Variants in PDE4D observed in about 807,000 individuals in gnomAD.
PDE4D encodes phosphodiesterase 4D.
In PDE4D, 24 loss-of-function variants were observed where a neutral mutation model predicts 87.4. The observed-to-expected ratio is 0.27, with a 90% CI of 0.20 to 0.39. PDE4D has a LOEUF of 0.39. PDE4D is among the 10% of genes least tolerant of loss of function. The pLI, the probability that PDE4D is intolerant of heterozygous loss-of-function variation, is 1.00. For synonymous variants in PDE4D, 384 were observed against 383.2 expected, an observed-to-expected ratio of 1.00 and a Z score of -0.02; for missense variants, 714 against 1,041.0, an observed-to-expected ratio of 0.69 and a Z score of 4.32.
At chr5:59,704,211 T>C (rs994684288) in intron 1 of PDE4D, among the ~76,000 whole-genome samples, 1 of 152,186 alleles carries the variant, frequency 6.6e-6, no homozygotes, top group Non-Finnish European at 1.5e-5. Flanking sequence ...AGCTAACCCG[T>C]CGTATTTAAC....
At chr5:59,945,588 T>C (rs1166209599) in intron 3 of PDE4D, among the ~76,000 whole-genome samples, 1 of 152,232 alleles carries the variant, frequency 6.6e-6, no homozygotes, top group African/African-American at 2.4e-5. Flanking sequence ...CATCTTCCTG[T>C]CTCTCTTCCC....
At chr5:59,734,837 G>A (rs2150629264) in intron 1 of PDE4D, among the ~76,000 whole-genome samples, 1 of 152,282 alleles carries the variant, frequency 6.6e-6, no homozygotes. Context: ...CCAGTCACGT[G>A]CAAAGGCTTG....
chr5:60,046,409 T>C (rs1769257741), intron 2 of PDE4D, among the ~76,000 whole-genome samples: 1 of 152,318 alleles, frequency 6.6e-6, no homozygotes, highest in African/African-American at 2.4e-5. Context: ...CTATGTTGAA[T>C]AGGAGGGGTG....
At chr5:59,612,321 T>G (rs1419328005) in intron 1 of PDE4D, among the ~76,000 whole-genome samples, 1 of 146,434 alleles carries the variant, frequency 6.8e-6, no homozygotes, top group African/African-American at 2.5e-5. Context: ...TTTTTTTTTT[T>G]ACAGATTCCA....
At chr5:59,258,635 T>C (rs945840330) in intron 1 of PDE4D, among the ~76,000 whole-genome samples, 10 of 149,404 alleles carry the variant, frequency 6.7e-5, no homozygotes, top group African/African-American at 2.4e-5. Context: ...AGAACTGAGA[T>C]ACATTGTTAT....
chr5:59,874,580 A>T (rs1748284395), intron 1 of PDE4D, among the ~76,000 whole-genome samples: 1 of 152,016 alleles, frequency 6.6e-6, no homozygotes, highest in African/African-American at 2.4e-5. Context: ...ATCCATTTTA[A>T]AAAAAAATAA....
chr5:59,574,019 T>A (rs1403296567), intron 1 of PDE4D, among the ~76,000 whole-genome samples: 1 of 116,986 alleles, frequency 8.5e-6, no homozygotes, highest in African/African-American at 3.5e-5. Flanking sequence ...TATATATATA[T>A]ATATATATAA....
intron 5 of PDE4D, among the ~76,000 whole-genome samples, chr5:59,041,579 T>C (rs1251926941): frequency 6.6e-6 from 1 of 152,240 alleles, no homozygotes; most frequent in Non-Finnish European, 1.5e-5. Flanking sequence ...ATAACCATTG[T>C]GTCTGGGATT....
At chr5:59,220,164 G>T (rs981031438) in intron 1 of PDE4D, among the ~76,000 whole-genome samples, 1 of 152,004 alleles carries the variant, frequency 6.6e-6, no homozygotes, top group Admixed American at 6.6e-5. Context: ...GGAGTAAGAT[G>T]AGGAAGACCA....
chr5:60,141,811 C>T (rs973281188), intron 2 of PDE4D, among the ~76,000 whole-genome samples: 1 of 152,094 alleles, frequency 6.6e-6, no homozygotes, highest in African/African-American at 2.4e-5. Flanking sequence ...ATGGGAGAGG[C>T]CTTGGTTTGA....
At chr5:59,024,962 G>C (rs1224297720) in intron 6 of PDE4D, among the ~76,000 whole-genome samples, 1 of 151,988 alleles carries the variant, frequency 6.6e-6, no homozygotes, top group African/African-American at 2.4e-5. Flanking sequence ...TTTTTAACAA[G>C]GGAGGGGACT....
At chr5:59,528,999 G>C (rs1813671337) in intron 1 of PDE4D, 2 of 462,620 alleles carry the variant, frequency 4.3e-6, no homozygotes, top group East Asian at 1.3e-4. Flanking sequence ...TGAAACAAGA[G>C]TACCTGCTTC....
chr5:58,971,986 A>C lies in PDE4D; in HGVS notation c.*2678T>G, dbSNP rs1258023998. On this transcript the variant is annotated 3_prime_UTR_variant, in exon 15 of 15. Coordinates refer to ENST00000340635, the MANE Select transcript of PDE4D (RefSeq NM_001104631.2). ...TTAGTGGGTATCTTTACAACACGGT[A>C]CCATTAAAAACCAACAAACTGGAAG... 3.3e-5 allele frequency: 5 copies of C among 151,048 alleles called. No individual in the cohort carries two copies. The highest frequency in any genetic ancestry group is 1.2e-4 in the African/African-American group (5 of 41,050). 9.4% of individuals were successfully genotyped at this position (151,048 alleles called of 1,614,324 possible). A position where few individuals can be genotyped will look rare whatever the true frequency, so the allele number is the denominator to read the frequency against.
intron 3 of PDE4D, among the ~76,000 whole-genome samples, chr5:59,192,035 C>T (rs796920452): frequency 5.3e-5 from 8 of 152,154 alleles, no homozygotes; most frequent in African/African-American, 1.9e-4. Flanking sequence ...AGATATTAAC[C>T]ATCTGAAAAG....
intron 3 of PDE4D, among the ~76,000 whole-genome samples, chr5:59,953,643 AG>A (rs1758529976): frequency 6.6e-6 from 1 of 152,182 alleles, no homozygotes; most frequent in South Asian, 2.1e-4. Context: ...AAGGCTGGGC[AG>A]GCCCAGCGCT....
intron 2 of PDE4D, among the ~76,000 whole-genome samples, chr5:60,159,284 C>T (rs1782267340): frequency 6.6e-6 from 1 of 152,280 alleles, no homozygotes; most frequent in Admixed American, 6.5e-5. Flanking sequence ...CCTCAAGAAA[C>T]TCATTCCTGA....
intron 1 of PDE4D, among the ~76,000 whole-genome samples, chr5:59,546,810 A>G (rs967810094): frequency 6.6e-6 from 1 of 152,182 alleles, no homozygotes; most frequent in Non-Finnish European, 1.5e-5. Context: ...AATTGAATTG[A>G]GCAAATCCTG....
chr5:59,262,532 C>T (rs1561837361), intron 1 of PDE4D, among the ~76,000 whole-genome samples: 1 of 151,704 alleles, frequency 6.6e-6, no homozygotes, highest in African/African-American at 2.4e-5. Context: ...CGGAAAAGTT[C>T]ACAATACAAG....
intron 5 of PDE4D, among the ~76,000 whole-genome samples, chr5:59,173,695 T>C (rs34615918): frequency 0.14 from 20,840 of 152,226 alleles, 1,557 homozygotes; most frequent in South Asian, 0.17. Flanking sequence ...GGCCACAATC[T>C]TTATTCTATT....
Sources: gnomAD v4.1 joint callset for allele counts (sites outside exome capture counted in the v4.1 genomes callset) on GRCh38, gnomAD v4.1.1 for gene constraint, MANE v1.5 for transcripts, NCBI Gene and HGNC (gene_info 2026-07-23, HGNC 2026-07-21) for gene names.